ARL15: variants seen among roughly 807,000 people sequenced by gnomAD.
The protein encoded by ARL15 is ADP-ribosylation factor-like protein 15.
A neutral mutation model predicts 25.2 loss-of-function variants in ARL15; 19 were observed. The ratio of observed to expected loss-of-function variants is 0.75; its 90% CI spans 0.53 to 1.10. ARL15 has a LOEUF of 1.10. Among genes scored for constraint, ARL15 ranks in the 50% least tolerant of loss-of-function variants. The pLI is 0.00. For synonymous variants in ARL15, 94 were observed against 86.8 expected (o/e 1.08, Z -0.46); for missense variants, 220 against 246.0 (o/e 0.89, Z 0.71).
At chr5:53,894,152 A>G (rs888382610) in intron 4 of ARL15, among the ~76,000 whole-genome samples, 3 of 152,266 alleles carry the variant, frequency 2.0e-5, no homozygotes, top group African/African-American at 7.2e-5. Flanking sequence ...GTACAAAAGT[A>G]TAGTTCTCAT....
chr5:53,984,049 A>T (rs1227373484), intron 4 of ARL15, among the ~76,000 whole-genome samples: 1 of 152,206 alleles, frequency 6.6e-6, no homozygotes, highest in Non-Finnish European at 1.5e-5. Flanking sequence ...TCTGTTTGCA[A>T]GCACTCACAT....
intron 3 of ARL15, among the ~76,000 whole-genome samples, chr5:54,128,706 CTTTTT>C (rs34430326): frequency 7.7e-6 from 1 of 130,254 alleles, no homozygotes; most frequent in Non-Finnish European, 1.6e-5. Flanking sequence ...TATTTTGATT[CTTTTT>C]TTTTTTTTTT....
At chr5:54,261,436 G>A (rs953397780) in intron 1 of ARL15, among the ~76,000 whole-genome samples, 1 of 152,034 alleles carries the variant, frequency 6.6e-6, no homozygotes, top group Non-Finnish European at 1.5e-5. Context: ...GAAGGGTCAG[G>A]ATGCTGTCCT....
chr5:54,122,490 A>G (rs1247071151), intron 3 of ARL15, among the ~76,000 whole-genome samples: 1 of 152,270 alleles, frequency 6.6e-6, no homozygotes, highest in African/African-American at 2.4e-5. Context: ...TACAAGGCTG[A>G]CATACAGTAT....
intron 3 of ARL15, among the ~76,000 whole-genome samples, chr5:54,140,115 G>GAC: frequency 6.6e-6 from 1 of 152,200 alleles, no homozygotes; most frequent in African/African-American, 2.4e-5. Flanking sequence ...CCATCTTAAA[G>GAC]TCCACAGTAG....
chr5:54,130,843 C>G (rs13181938), intron 3 of ARL15, among the ~76,000 whole-genome samples: 2,343 of 152,196 alleles, frequency 0.015, 40 homozygotes, highest in Middle Eastern at 0.044. Flanking sequence ...AAATGAATGG[C>G]ACTCTAGGTA....
intron 2 of ARL15, among the ~76,000 whole-genome samples, chr5:54,164,347 G>C: frequency 6.6e-6 from 1 of 151,938 alleles, no homozygotes; most frequent in African/African-American, 2.4e-5. Flanking sequence ...TCTGTTGTTG[G>C]GTGGAGTATT....
intron 1 of ARL15, among the ~76,000 whole-genome samples, chr5:54,287,419 G>A (rs1758211336): frequency 6.6e-6 from 1 of 151,550 alleles, no homozygotes; most frequent in Non-Finnish European, 1.5e-5. Flanking sequence ...GAAAGACTTG[G>A]AAGCATCTCC....
At chr5:54,096,343 T>G (rs1352576980) in intron 4 of ARL15, among the ~76,000 whole-genome samples, 1 of 152,192 alleles carries the variant, frequency 6.6e-6, no homozygotes, top group African/African-American at 2.4e-5. Flanking sequence ...ACAATAAGTG[T>G]GCAAAAAATA....
intron 4 of ARL15, among the ~76,000 whole-genome samples, chr5:54,053,491 G>GA (rs890465771): frequency 4.0e-5 from 6 of 150,334 alleles, no homozygotes; most frequent in Non-Finnish European, 8.9e-5. Context: ...TATGAAAAAA[G>GA]AAAAAAAATA....
chr5:53,927,083 TG>T (rs138931977), intron 4 of ARL15, among the ~76,000 whole-genome samples: 1,725 of 152,292 alleles, frequency 0.011, 40 homozygotes, highest in African/African-American at 0.039. Context: ...TAAAATTCAG[TG>T]GCATTAAGTA....
At chr5:54,288,886 G>A (rs979575273) in intron 1 of ARL15, among the ~76,000 whole-genome samples, 1 of 152,124 alleles carries the variant, frequency 6.6e-6, no homozygotes, top group East Asian at 1.9e-4. Flanking sequence ...CTCATGCATG[G>A]CAGAAACCTA....
intron 4 of ARL15, among the ~76,000 whole-genome samples, chr5:53,968,711 A>T (rs1322789487): frequency 1.3e-5 from 2 of 151,812 alleles, no homozygotes; most frequent in African/African-American, 4.8e-5. Context: ...GGGTTTGACC[A>T]TGTCGGCCAG....
chr5:54,209,289 A>G (rs915194590), intron 1 of ARL15, among the ~76,000 whole-genome samples: 1 of 151,976 alleles, frequency 6.6e-6, no homozygotes, highest in Non-Finnish European at 1.5e-5. Flanking sequence ...AAGTAGCTAT[A>G]TAAGTACATT....
intron 3 of ARL15, among the ~76,000 whole-genome samples, chr5:54,123,066 T>C (rs1753134115): frequency 6.6e-6 from 1 of 151,978 alleles, no homozygotes; most frequent in Admixed American, 6.6e-5. Flanking sequence ...CATTTTTATA[T>C]AGTCTAAAAG....
At chr5:54,294,983 G>T (rs1157028726) in intron 1 of ARL15, among the ~76,000 whole-genome samples, 1 of 152,160 alleles carries the variant, frequency 6.6e-6, no homozygotes, top group African/African-American at 2.4e-5. Context: ...CTCCTTCATG[G>T]TTTAATAATC....
intron 1 of ARL15, among the ~76,000 whole-genome samples, chr5:54,241,154 G>T (rs1269728980): frequency 6.6e-6 from 1 of 152,006 alleles, no homozygotes; most frequent in Non-Finnish European, 1.5e-5. Context: ...AAATAAGCCT[G>T]CCTATGTTTA....
At chr5:53,990,233 TA>T (rs75093797) in intron 4 of ARL15, among the ~76,000 whole-genome samples, 5 of 147,962 alleles carry the variant, frequency 3.4e-5, no homozygotes, top group South Asian at 2.1e-4. Context: ...GCCCTGTCTC[TA>T]AAAAAAAAAT....
At chr5:54,123,503 T>G (rs986884533) in intron 3 of ARL15, among the ~76,000 whole-genome samples, 1 of 152,166 alleles carries the variant, frequency 6.6e-6, no homozygotes, top group African/African-American at 2.4e-5. Flanking sequence ...GAAGCAAGCT[T>G]CCCCTTTGTG....
Sources: gnomAD v4.1 joint callset for allele counts (sites outside exome capture counted in the v4.1 genomes callset) on GRCh38, gnomAD v4.1.1 for gene constraint, MANE v1.5 for transcripts, NCBI Gene and HGNC (gene_info 2026-07-23, HGNC 2026-07-21) for gene names.